Variants in ANK2 observed in about 807,000 individuals in gnomAD.
The protein encoded by ANK2 is ankyrin 2.
A neutral mutation model predicts 360.5 loss-of-function variants in ANK2; 83 were observed. The ratio of observed to expected loss-of-function variants is 0.23; its 90% CI spans 0.19 to 0.28. ANK2 has a LOEUF of 0.28. Ranked by LOEUF, ANK2 falls within the 10% of genes least tolerant of loss-of-function variation. ANK2 has a pLI of 1.00. For missense variants in ANK2, 4,201 were observed against 4,795.7 expected, an observed-to-expected ratio of 0.88 and a Z score of 3.66; for synonymous variants, 1,740 against 1,759.5, an observed-to-expected ratio of 0.99 and a Z score of 0.28.
chr4:113,050,105 G>T (rs563787804), intron 1 of ANK2, among the ~76,000 whole-genome samples: 2 of 152,294 alleles, frequency 1.3e-5, no homozygotes, highest in South Asian at 2.1e-4. Flanking sequence ...GGATTCTTCT[G>T]GTGTTAACTG....
chr4:113,213,967 T>TA, intron 4 of ANK2: 2 of 432,696 alleles, frequency 4.6e-6, no homozygotes, highest in South Asian at 5.0e-5. Flanking sequence ...TTTTTTTTTT[T>TA]ATTTTTTTTT....
intron 2 of ANK2, among the ~76,000 whole-genome samples, chr4:113,184,920 C>T (rs974890880): frequency 2.4e-4 from 37 of 152,048 alleles, no homozygotes; most frequent in African/African-American, 8.7e-4. Flanking sequence ...CATGTATTCT[C>T]ATTGTTCAGC....
chr4:112,714,593 C>T, the ANK2 span, among the ~76,000 whole-genome samples: 1 of 152,118 alleles, frequency 6.6e-6, no homozygotes, highest in African/African-American at 2.4e-5. Flanking sequence ...TACAATAAAA[C>T]TATATCAAAA....
At chr4:112,728,932 T>A in the ANK2 span, among the ~76,000 whole-genome samples, 6 of 152,078 alleles carry the variant, frequency 3.9e-5, no homozygotes, top group African/African-American at 7.2e-5. Context: ...ATCCTGGCAC[T>A]TTTTTGGCAC....
At chr4:113,167,098 A>G (rs1291630425) in intron 1 of ANK2, among the ~76,000 whole-genome samples, 2 of 152,158 alleles carry the variant, frequency 1.3e-5, no homozygotes, top group Non-Finnish European at 2.9e-5. Flanking sequence ...ATCACATAAT[A>G]TAGTCTGCAT....
intron 2 of ANK2, among the ~76,000 whole-genome samples, chr4:113,029,005 T>C (rs952931494): frequency 1.3e-5 from 2 of 152,112 alleles, no homozygotes; most frequent in African/African-American, 2.4e-5. Flanking sequence ...GTTCTGTTAG[T>C]GCAACTCAGC....
In ANK2 at chr4:113,191,540, A is replaced by G. The variant is rs549247561; in HGVS notation, c.187-4828A>G. Among the ~76,000 whole-genome samples, 3 of 152,216 alleles carry G rather than the reference A, an allele frequency of 2.0e-5. No individual in the cohort carries two copies. The South Asian group carries it at 6.2e-4, about 32-fold the overall frequency. On this transcript the variant is annotated intron_variant, in intron 2 of 45. Transcript: ENST00000357077. ...CATACGTTAATACTTTTGCTAGCCT[A>G]CGTAAACGTATGTTGAACTCAAAAA...
chr4:112,731,050 G>A, the ANK2 span, among the ~76,000 whole-genome samples: 11 of 152,056 alleles, frequency 7.2e-5, no homozygotes, highest in African/African-American at 2.7e-4. Flanking sequence ...GCTGAGGCAG[G>A]AGAATCGCTT....
the ANK2 span, among the ~76,000 whole-genome samples, chr4:112,758,542 T>C: frequency 2.6e-5 from 4 of 151,856 alleles, no homozygotes; most frequent in African/African-American, 9.7e-5. Context: ...TCCTGAGTAG[T>C]TGGGATTACA....
chr4:113,209,860 GT>G (rs1490994109), intron 4 of ANK2, among the ~76,000 whole-genome samples: 3 of 150,234 alleles, frequency 2.0e-5, no homozygotes, highest in Non-Finnish European at 4.4e-5. Context: ...AGAAAAGAAT[GT>G]TAGCCTGGGT....
At chr4:112,911,056 C>T (rs1486977216) in intron 2 of ANK2, among the ~76,000 whole-genome samples, 1 of 149,308 alleles carries the variant, frequency 6.7e-6, no homozygotes, top group African/African-American at 2.5e-5. Context: ...CTCCCGGGTT[C>T]AAGCAATTCT....
At chr4:112,975,996 A>T (rs369401848) in intron 2 of ANK2, among the ~76,000 whole-genome samples, 1 of 151,540 alleles carries the variant, frequency 6.6e-6, no homozygotes, top group African/African-American at 2.4e-5. Flanking sequence ...TTTAATTGGT[A>T]TTTTTTTCAA....
At chr4:113,224,715 T>C (rs1349025043) in intron 4 of ANK2, among the ~76,000 whole-genome samples, 1 of 152,204 alleles carries the variant, frequency 6.6e-6, no homozygotes, top group East Asian at 1.9e-4. Flanking sequence ...ATAATCATTT[T>C]CTACTCTTGT....
chr4:113,261,588 A>G (rs1423610352), intron 13 of ANK2, among the ~76,000 whole-genome samples: 1 of 152,272 alleles, frequency 6.6e-6, no homozygotes, highest in Non-Finnish European at 1.5e-5. Flanking sequence ...AAACAATGGT[A>G]ATATTAACAT....
At position 113,274,665 on chromosome 4, in the gene ANK2, T is replaced by C. The variant is rs757753041; in HGVS notation, c.1683+16T>C. 2 of 1,613,262 alleles carry C rather than the reference T, an allele frequency of 1.2e-6. No individual in the cohort carries two copies. The highest frequency in any genetic ancestry group is 3.3e-5 in the Admixed American group (2 of 59,994). On this transcript the variant is annotated intron_variant, in intron 15 of 45. Coordinates refer to ENST00000357077, the MANE Select transcript of ANK2 (RefSeq NM_001148.6). ...AGCTACCAAGGTAAGGAGAATGACATCATGAGAACATGGACCAAGAGGATT... is the reference window on the plus strand; with the variant it reads ...AGCTACCAAGGTAAGGAGAATGACACCATGAGAACATGGACCAAGAGGATT...
At chr4:112,969,575 T>C (rs189710246) in intron 2 of ANK2, among the ~76,000 whole-genome samples, 1 of 152,300 alleles carries the variant, frequency 6.6e-6, no homozygotes. Context: ...GGTGGTTGTG[T>C]TCTGAGCTTG....
At chr4:113,194,483 A>G (rs1347943394) in intron 2 of ANK2, among the ~76,000 whole-genome samples, 1 of 152,204 alleles carries the variant, frequency 6.6e-6, no homozygotes, top group African/African-American at 2.4e-5. Context: ...AGCTTATTAT[A>G]AATCTGATTA....
At chr4:113,083,342 G>A (rs1408982435) in intron 1 of ANK2, among the ~76,000 whole-genome samples, 2 of 152,032 alleles carry the variant, frequency 1.3e-5, no homozygotes, top group Non-Finnish European at 2.9e-5. Flanking sequence ...ACCATGCCTG[G>A]CTAATTTTTA....
At chr4:113,108,692 G>T (rs7673051) in intron 1 of ANK2, among the ~76,000 whole-genome samples, 103,299 of 151,886 alleles carry the variant, frequency 0.68, 35,363 homozygotes, top group African/African-American at 0.69. Flanking sequence ...TTTACTCCTT[G>T]TCTGTGAAGA....
Sources: allele counts gnomAD v4.1 joint callset (sites outside exome capture counted in the v4.1 genomes callset), GRCh38; gene constraint gnomAD v4.1.1; transcripts MANE v1.5; gene names NCBI Gene and HGNC (gene_info 2026-07-23, HGNC 2026-07-21).